The following AIM2 variants were observed in gnomAD, a reference collection of about 807,000 sequenced individuals.
The protein encoded by AIM2 is absent in melanoma 2, also known as interferon-inducible protein AIM2.
In AIM2, 30 loss-of-function variants were observed where a neutral mutation model predicts 27.7. That is an observed-to-expected ratio of 1.08 (90% CI 0.81 to 1.47). The LOEUF is 1.47. AIM2 is among the 40% of genes most tolerant of loss of function. The pLI is 0.00. For synonymous variants in AIM2, 141 were observed against 145.3 expected (o/e 0.97, Z 0.21); for missense variants, 358 against 411.3 (o/e 0.87, Z 1.12).
chr1:159,107,941 C>A (rs1657487407), intron 1 of AIM2, among the ~76,000 whole-genome samples: 1 of 152,078 alleles, frequency 6.6e-6, no homozygotes, highest in African/African-American at 2.4e-5. Context: ...AGTCCAGGAC[C>A]AGACAGATGC....
At chr1:159,088,511 C>T (rs908121445) in intron 1 of AIM2, among the ~76,000 whole-genome samples, 5 of 152,054 alleles carry the variant, frequency 3.3e-5, no homozygotes, top group African/African-American at 1.2e-4. Flanking sequence ...AATGAAACTG[C>T]AGTGTCTAAG....
intron 1 of AIM2, among the ~76,000 whole-genome samples, chr1:159,083,540 T>C (rs908580663): frequency 6.6e-5 from 10 of 152,190 alleles, no homozygotes; most frequent in Non-Finnish European, 1.0e-4. Flanking sequence ...AAAACATAAA[T>C]AGCTCTACTA....
chr1:159,058,569 CAACCCCTGG>C (rs1236571692), downstream of AIM2, among the ~76,000 whole-genome samples: 1 of 152,006 alleles, frequency 6.6e-6, no homozygotes, highest in African/African-American at 2.4e-5. Flanking sequence ...TCGACCATCC[CAACCCCTGG>C]AAGCGACAAC....
intron 1 of AIM2, among the ~76,000 whole-genome samples, chr1:159,091,336 GA>G (rs1341009524): frequency 1.3e-5 from 2 of 152,136 alleles, no homozygotes; most frequent in Non-Finnish European, 2.9e-5. Context: ...TACAACCACT[GA>G]AAAAATGCTG....
intron 1 of AIM2, among the ~76,000 whole-genome samples, chr1:159,106,296 C>G (rs1356750663): frequency 6.6e-6 from 1 of 152,224 alleles, no homozygotes; most frequent in Non-Finnish European, 1.5e-5. Flanking sequence ...CTCTGTGGAG[C>G]ACATAGGTCC....
In AIM2 at chr1:159,112,934, C is replaced by CATATATATATAT. The variant is rs71659252; in HGVS notation, c.-16+27485_-16+27496dup. Among the ~76,000 whole-genome samples, 441 of 146,522 alleles carry CATATATATATAT rather than the reference C, an allele frequency of 3.0e-3. 3 individuals carry two copies. The highest frequency in any genetic ancestry group is 9.6e-3 in the African/African-American group (375 of 39,134). On this transcript the variant is annotated intron_variant, in intron 1 of 2. Transcript: ENST00000368129. The stretch of plus-strand genomic sequence containing the variant: ...ATGTTTCAAACCTAATATATACATA[C>CATATATATATAT]ATATATATATATATATAATTTTTTT...
chr1:159,088,876 G>A (rs1253954005), intron 1 of AIM2, among the ~76,000 whole-genome samples: 9 of 152,144 alleles, frequency 5.9e-5, no homozygotes, highest in Admixed American at 2.6e-4. Context: ...TCTCGGCCTC[G>A]AGAACTGTAA....
chr1:159,071,270 T>C (rs1002630101), intron 2 of AIM2, among the ~76,000 whole-genome samples: 2 of 152,200 alleles, frequency 1.3e-5, no homozygotes, highest in Admixed American at 6.5e-5. Context: ...GAATAGCATA[T>C]AGCACTCTAC....
At chr1:159,113,812 C>A (rs543606225) in intron 1 of AIM2, among the ~76,000 whole-genome samples, 1 of 152,140 alleles carries the variant, frequency 6.6e-6, no homozygotes, top group Non-Finnish European at 1.5e-5. Flanking sequence ...AGATAGAGTT[C>A]TTTATTGAAT....
chr1:159,104,723 G>T (rs1461244900), intron 1 of AIM2, among the ~76,000 whole-genome samples: 1 of 152,084 alleles, frequency 6.6e-6, no homozygotes, highest in African/African-American at 2.4e-5. Flanking sequence ...GGTAGCTACT[G>T]GAAAATTTTA....
chr1:159,084,513 T>C (rs1313170002), intron 1 of AIM2, among the ~76,000 whole-genome samples: 10 of 152,144 alleles, frequency 6.6e-5, no homozygotes, highest in Admixed American at 5.2e-4. Flanking sequence ...GGCTCATGCC[T>C]GTAATTCTAG....
intron 3 of AIM2, 80 bp downstream of exon 3, chr1:159,068,487 AG>A (rs1313439618): frequency 6.7e-7 from 1 of 1,492,554 alleles, no homozygotes. Context: ...TGTGAGATAA[AG>A]AACAGAGAAC....
intron 1 of AIM2, among the ~76,000 whole-genome samples, chr1:159,136,648 C>A (rs1476528649): frequency 6.6e-6 from 1 of 152,158 alleles, no homozygotes; most frequent in South Asian, 2.1e-4. Flanking sequence ...TTCCAAGGAG[C>A]ACATAGTTCA....
intron 1 of AIM2, among the ~76,000 whole-genome samples, chr1:159,133,289 C>A (rs1027417221): frequency 2.0e-5 from 3 of 152,128 alleles, no homozygotes; most frequent in African/African-American, 7.2e-5. Context: ...ACTACAGATA[C>A]AAGTTTGGTC....
chr1:159,074,792 A>G (rs855870), intron 1 of AIM2, among the ~76,000 whole-genome samples: 1 of 151,948 alleles, frequency 6.6e-6, no homozygotes, highest in Non-Finnish European at 1.5e-5. Context: ...TTAAAGGGAA[A>G]CTTATAAAAC....
chr1:159,138,084 T>C (rs1290913240), intron 1 of AIM2, among the ~76,000 whole-genome samples: 1 of 152,230 alleles, frequency 6.6e-6, no homozygotes, highest in Non-Finnish European at 1.5e-5. Flanking sequence ...GTTTTCATTA[T>C]GGGCATGGGA....
intron 1 of AIM2, among the ~76,000 whole-genome samples, chr1:159,111,130 A>T (rs1029645423): frequency 6.6e-5 from 10 of 152,156 alleles, no homozygotes; most frequent in African/African-American, 2.4e-4. Flanking sequence ...ATACCAGCTC[A>T]CAAAAACAAC....
chr1:159,112,478 A>T (rs1657597005), intron 1 of AIM2, among the ~76,000 whole-genome samples: 1 of 152,234 alleles, frequency 6.6e-6, no homozygotes, highest in Non-Finnish European at 1.5e-5. Flanking sequence ...CCACCATGAG[A>T]GTGGGAGACT....
upstream of AIM2, among the ~76,000 whole-genome samples, chr1:159,142,775 C>T (rs1430576472): frequency 1.3e-5 from 2 of 152,148 alleles, no homozygotes; most frequent in African/African-American, 2.4e-5. Flanking sequence ...TCCACTGAGC[C>T]CATTTTTCTG....
Sources: allele counts gnomAD v4.1 joint callset (sites outside exome capture counted in the v4.1 genomes callset), GRCh38; gene constraint gnomAD v4.1.1; transcripts MANE v1.5; gene names NCBI Gene and HGNC (gene_info 2026-07-23, HGNC 2026-07-21).